MYH14: variants seen among roughly 807,000 people sequenced by gnomAD.
The protein encoded by MYH14 is myosin heavy chain 14, also known as myosin-14.
Under a neutral mutation model 255.5 loss-of-function variants are expected in MYH14, and 123 were observed. The observed-to-expected ratio is 0.48, with a 90% CI of 0.42 to 0.56. The LOEUF is 0.56. MYH14 is among the 20% of genes least tolerant of loss of function. The pLI is 0.00. For missense variants in MYH14, 2,423 were observed against 2,802.3 expected, an observed-to-expected ratio of 0.86 and a Z score of 3.06; for synonymous variants, 1,095 against 1,161.2, an observed-to-expected ratio of 0.94 and a Z score of 1.16.
chr19:50,259,129 G>A lies in MYH14; in HGVS notation c.2233-15G>A, dbSNP rs2034720160. The stretch of plus-strand genomic sequence containing the variant: ...GGCCGCCGCTGACCCCCGCGTGTCC[G>A]TCCGCTCTCCCCAGGCCGGGAAGCT... On this transcript the variant is annotated splice_polypyrimidine_tract_variant and intron_variant, in intron 18 of 42. Coordinates refer to ENST00000642316, the MANE Select transcript of MYH14 (RefSeq NM_001145809.2). 1.3e-6 allele frequency: 2 copies of A among 1,545,692 alleles called. No individual in the cohort carries two copies. Among genetic ancestry groups the A allele is most frequent in the Non-Finnish European group, 1.8e-6 (2 of 1,142,612 alleles).
In MYH14 at chr19:50,290,876, C is replaced by T. The variant is rs2036049197; in HGVS notation, c.4966-11C>T. The T allele has an allele frequency of 1.3e-6, 2 of 1,552,098 alleles. No homozygotes were observed. Among genetic ancestry groups the T allele is most frequent in the African/African-American group, 2.7e-5 (2 of 73,230 alleles). On this transcript the variant is annotated splice_polypyrimidine_tract_variant and intron_variant, in intron 35 of 42. Coordinates refer to ENST00000642316, the MANE Select transcript of MYH14 (RefSeq NM_001145809.2). ...TGTGTCTGACCCGGTCCCTCCTGAC[C>T]TCCTCTCCAGCTGAGAGATGCAGAG... is the stretch of plus-strand genomic sequence containing the variant.
chr19:50,250,292 G>T lies in MYH14; in HGVS notation c.1657-223G>T, dbSNP rs1436752086. ...ATTTTTTGTATTTTTAGTAGAGTCG[G>T]GGGTTTCACTGTGTTAGCCAGGATG... On this transcript the variant is annotated intron_variant, in intron 14 of 42. Transcript: ENST00000642316. The surrounding 1 kb of genome is among the most constrained non-coding windows in gnomAD (Gnocchi z 5.4). 1.5e-5 allele frequency among the ~76,000 whole-genome samples: 2 copies of T among 133,510 alleles called. No homozygotes were observed. The highest frequency in any genetic ancestry group is 5.5e-5 in the African/African-American group (2 of 36,684). The allele number at this position is 133,510 out of a possible 152,430, so 87.6% of individuals were successfully genotyped here. A position where few individuals can be genotyped will look rare whatever the true frequency, so the allele number is the denominator to read the frequency against.
At chr19:50,309,449 T>C in intron 42 of MYH14, 191 bp from the exon 43 acceptor site, 1 of 619,442 alleles carries the variant, frequency 1.6e-6, no homozygotes, top group South Asian at 1.9e-5. Flanking sequence ...GTCCTTCATC[T>C]CTCTCTGCCC....
intron 3 of MYH14, among the ~76,000 whole-genome samples, chr19:50,218,855 C>T (rs535070153): frequency 2.0e-5 from 3 of 151,666 alleles, no homozygotes; most frequent in South Asian, 2.1e-4. Flanking sequence ...TGAGAACATA[C>T]GATGTTTGAT....
intron 2 of MYH14, among the ~76,000 whole-genome samples, chr19:50,215,928 C>G (rs1348379861): frequency 6.6e-6 from 1 of 152,220 alleles, no homozygotes; most frequent in Non-Finnish European, 1.5e-5. Context: ...CTAGAAAACA[C>G]ATCTGAATTT....
intron 39 of MYH14, among the ~76,000 whole-genome samples, chr19:50,299,828 C>T (rs1039211815): frequency 3.3e-5 from 5 of 151,788 alleles, no homozygotes; most frequent in African/African-American, 7.3e-5. Flanking sequence ...GCCTGTAATC[C>T]CAGCTACTCA....
At position 50,260,364 on chromosome 19, in the gene MYH14, G is replaced by A. The variant is rs559878185; in HGVS notation, c.2355-282G>A. Among the ~76,000 whole-genome samples, 133 of 152,286 alleles carry A rather than the reference G, an allele frequency of 8.7e-4. No homozygotes were observed. The Middle Eastern group carries it at 0.017, about 19-fold the overall frequency. Reference sequence around the variant, plus strand: ...CGCTTGAACCTGGGAGGCGGAGGTCGCAGTGAGGCAAGATCTGACCACTGC... The same window carrying A: ...CGCTTGAACCTGGGAGGCGGAGGTCACAGTGAGGCAAGATCTGACCACTGC... On this transcript the variant is annotated intron_variant, in intron 19 of 42. Coordinates refer to ENST00000642316, the MANE Select transcript of MYH14 (RefSeq NM_001145809.2).
rs1046150449 is a variant in MYH14 at position 50,218,491 on chromosome 19, G to C, written c.562+720G>C. On this transcript the variant is annotated intron_variant, in intron 3 of 42. Coordinates refer to ENST00000642316, the MANE Select transcript of MYH14 (RefSeq NM_001145809.2). The stretch of plus-strand genomic sequence containing the variant: ...CGGGCACCTGTAGTCCCAGCTACTC[G>C]GGAGGCTGAGGCAGGAGAATGGCGT... 2.6e-5 allele frequency among the ~76,000 whole-genome samples: 4 copies of C among 151,864 alleles called. No individual in the cohort carries two copies. The East Asian group carries it at 5.9e-4, about 23-fold the overall frequency.
In MYH14 at chr19:50,294,503, C is replaced by T. The variant is rs573368433; in HGVS notation, c.5469+816C>T. On this transcript the variant is annotated intron_variant, in intron 39 of 42. Transcript: ENST00000642316. ...AAGCTGGAGTGCAGTGGTGCTATCT[C>T]GGCTCACTGCAACCTCTGCCTCCCA... is the stretch of plus-strand genomic sequence containing the variant. 8.7e-4 allele frequency among the ~76,000 whole-genome samples: 129 copies of T among 147,434 alleles called. 2 individuals carry two copies. The highest frequency in any genetic ancestry group is 1.7e-3 in the Non-Finnish European group (112 of 67,354).
At chr19:50,223,515 CAG>C (rs1239535894) in intron 5 of MYH14, 166 bp downstream of exon 5, 3 of 648,744 alleles carry the variant, frequency 4.6e-6, no homozygotes, top group African/African-American at 1.8e-5. Context: ...GAAGCAGAGT[CAG>C]GGGGACACAG....
intron 12 of MYH14, among the ~76,000 whole-genome samples, chr19:50,247,839 A>G (rs661858): frequency 0.79 from 119,068 of 151,550 alleles, 47,404 homozygotes; most frequent in Admixed American, 0.84. Flanking sequence ...GCTGAGGCGG[A>G]CAGATTGAGC....
At chr19:50,267,088 C>G in intron 23 of MYH14, 80 bp downstream of exon 23, 6 of 1,333,274 alleles carry the variant, frequency 4.5e-6, no homozygotes, top group South Asian at 1.4e-5. Context: ...GTGTGAGGGG[C>G]GGGGCTTCCG....
intron 12 of MYH14, among the ~76,000 whole-genome samples, chr19:50,248,419 G>T (rs1600934490): frequency 1.3e-5 from 2 of 152,288 alleles, no homozygotes; most frequent in Admixed American, 1.3e-4. Flanking sequence ...GGAGGGTGGA[G>T]TGGAGCGACC....
rs764344864 is a variant in MYH14 at position 50,291,037 on chromosome 19, C to T, written c.5116C>T (p.Arg1706Cys). 19 of 1,612,734 alleles carry T rather than the reference C, an allele frequency of 1.2e-5. No homozygotes were observed. The highest frequency in any genetic ancestry group is 1.6e-5 in the Non-Finnish European group (19 of 1,179,650). Residue 1706 changes from arginine (R) to cysteine (C), a missense_variant, in exon 36 of 43, where the codon CGC becomes TGC. Arg to Cys is a radical substitution (Grantham distance 180, BLOSUM62 -3). Coordinates refer to ENST00000642316, the MANE Select transcript of MYH14 (RefSeq NM_001145809.2). ...QGKEEAVKQL[R>C]KMQAQMKELW... ...CAAGGAGGAGGCGGTGAAGCAGCTTCGCAAGATGCAGGTAAGAGCCGGCGT... is the reference window on the plus strand; with the variant it reads ...CAAGGAGGAGGCGGTGAAGCAGCTTTGCAAGATGCAGGTAAGAGCCGGCGT...
At position 50,217,749 on chromosome 19, in the gene MYH14, G is replaced by T. The variant is rs2032564835; in HGVS notation, c.540G>T (p.Gly180=). 6.2e-7 allele frequency: 1 copy of T among 1,613,788 alleles called. No individual in the cohort carries two copies. Among genetic ancestry groups the T allele is most frequent in the Non-Finnish European group, 8.5e-7 (1 of 1,179,882 alleles). ...CCCACGTGTACGCAGTGACCGAGGG[G>T]GCCTATCGGAGCATGCTGCAGGGTG... ...VPPHVYAVTE[G]AYRSMLQDRE... Residue 180 remains glycine, a synonymous_variant, in exon 3 of 43, where the codon GGG becomes GGT. Coordinates refer to ENST00000642316, the MANE Select transcript of MYH14 (RefSeq NM_001145809.2).
chr19:50,284,407 C>A (rs1371179218), intron 33 of MYH14, among the ~76,000 whole-genome samples: 1 of 152,038 alleles, frequency 6.6e-6, no homozygotes, highest in Non-Finnish European at 1.5e-5. Context: ...TGCACTGTTG[C>A]CCGGGCTGGA....
intron 40 of MYH14, among the ~76,000 whole-genome samples, chr19:50,303,841 T>G (rs1022107282): frequency 3.3e-5 from 5 of 152,024 alleles, no homozygotes; most frequent in African/African-American, 1.2e-4. Flanking sequence ...GCTGAAAGAG[T>G]TTCCATCTCC....
chr19:50,305,575 C>A (rs2036627548), intron 40 of MYH14, among the ~76,000 whole-genome samples: 1 of 151,940 alleles, frequency 6.6e-6, no homozygotes, highest in Non-Finnish European at 1.5e-5. Flanking sequence ...TCTATGGGGA[C>A]CCCTGCTCCA....
chr19:50,229,032 C>G (rs1297727088), intron 8 of MYH14, among the ~76,000 whole-genome samples: 2 of 152,188 alleles, frequency 1.3e-5, no homozygotes, highest in Non-Finnish European at 2.9e-5. Context: ...ATCTCAGTTC[C>G]TCCTCTCTGC....
Sources: allele counts gnomAD v4.1 joint callset (sites outside exome capture counted in the v4.1 genomes callset), GRCh38; gene constraint gnomAD v4.1.1; non-coding constraint Gnocchi (gnomAD v3.1); transcripts MANE v1.5; gene names NCBI Gene and HGNC (gene_info 2026-07-23, HGNC 2026-07-21).